EHF: variants seen among roughly 807,000 people sequenced by gnomAD.
EHF encodes ETS homologous factor, also known as ESE3 transcription factor.
Under a neutral mutation model 45.1 loss-of-function variants are expected in EHF, and 14 were observed. The ratio of observed to expected loss-of-function variants is 0.31; its 90% CI spans 0.21 to 0.49. EHF has a LOEUF of 0.49. Among genes scored for constraint, EHF ranks in the 20% least tolerant of loss-of-function variants. The pLI is 0.99. For missense variants in EHF, 282 were observed against 371.4 expected (o/e 0.76, Z 1.98); for synonymous variants, 136 against 131.8 (o/e 1.03, Z -0.22).
chr11:34,658,478 C>G, intron 7 of EHF, 55 bp from the exon 8 acceptor site: 1 of 1,485,816 alleles, frequency 6.7e-7, no homozygotes, highest in Non-Finnish European at 9.2e-7. Context: ...TGCTCTCTGC[C>G]CTATCTTTGC....
At chr11:34,624,687 A>G (rs545224452) in intron 1 of EHF, among the ~76,000 whole-genome samples, 1 of 152,188 alleles carries the variant, frequency 6.6e-6, no homozygotes, top group Non-Finnish European at 1.5e-5. Flanking sequence ...GGAAACCAGG[A>G]TGTGCTGAAG....
intron 1 of EHF, among the ~76,000 whole-genome samples, chr11:34,635,458 T>TTTTTA (rs1318280578): frequency 6.7e-6 from 1 of 148,282 alleles, no homozygotes; most frequent in African/African-American, 2.5e-5. Context: ...TTCTTTTTTT[T>TTTTTA]TTTTTTTTTT....
At chr11:34,637,004 G>A (rs1249175662) in intron 1 of EHF, among the ~76,000 whole-genome samples, 1 of 146,484 alleles carries the variant, frequency 6.8e-6, no homozygotes, top group Admixed American at 6.8e-5. Context: ...ACTCCATTCT[G>A]GGCAACAAGA....
At chr11:34,646,060 GTGTGTGTA>G (rs1388891482) in intron 2 of EHF, among the ~76,000 whole-genome samples, 3 of 141,512 alleles carry the variant, frequency 2.1e-5, no homozygotes, top group African/African-American at 2.8e-5. Context: ...GTGTGTGTGT[GTGTGTGTA>G]TGTATAAGAG....
intron 1 of EHF, chr11:34,642,367 G>A (rs571720764): frequency 1.1e-4 from 30 of 273,404 alleles, no homozygotes; most frequent in Middle Eastern, 1.1e-3. Context: ...TTTTCCTCCC[G>A]CTTCATTCCT....
chr11:34,638,222 G>GA (rs1292393396), intron 1 of EHF, among the ~76,000 whole-genome samples: 1 of 152,166 alleles, frequency 6.6e-6, no homozygotes, highest in Non-Finnish European at 1.5e-5. Flanking sequence ...CTTTGAGTTT[G>GA]AAATAAGAGG....
intron 1 of EHF, among the ~76,000 whole-genome samples, chr11:34,634,692 T>A (rs1853222378): frequency 6.6e-6 from 1 of 152,176 alleles, no homozygotes; most frequent in African/African-American, 2.4e-5. Context: ...TAAAATAACT[T>A]TATTGAGTCA....
At chr11:34,655,469 G>A (rs542275078) in intron 6 of EHF, among the ~76,000 whole-genome samples, 20 of 152,244 alleles carry the variant, frequency 1.3e-4, no homozygotes, top group African/African-American at 4.6e-4. Flanking sequence ...ATTATGTGCC[G>A]GCCACCATTT....
rs552520116 is a variant in EHF, at chr11:34,637,577, T to A, written c.-3-5051T>A. Among the ~76,000 whole-genome samples, 4 of 152,354 alleles carry A rather than the reference T, an allele frequency of 2.6e-5. No homozygotes were observed. The South Asian group carries it at 8.3e-4, about 32-fold the overall frequency. ...TGGCCCATAATTTTAGGGGAGCTTA[T>A]GGCACATTGTAGGGGACTTGCTGCC... On this transcript the variant is annotated intron_variant, in intron 1 of 8. Coordinates refer to ENST00000257831, the MANE Select transcript of EHF (RefSeq NM_012153.6).
chr11:34,643,068 A>ATG (rs780809590), intron 2 of EHF, among the ~76,000 whole-genome samples: 5,715 of 144,924 alleles, frequency 0.039, 207 homozygotes, highest in African/African-American at 0.099. Flanking sequence ...GAGAAAGGGT[A>ATG]TGTGTGTGTG....
intron 1 of EHF, chr11:34,632,699 T>C: frequency 2.0e-6 from 3 of 1,529,574 alleles, no homozygotes; most frequent in Non-Finnish European, 2.6e-6. Flanking sequence ...CTCTCTCTGC[T>C]CTTGCCCCAT....
chr11:34,649,556 T>C (rs1854933550), intron 4 of EHF, among the ~76,000 whole-genome samples: 1 of 152,194 alleles, frequency 6.6e-6, no homozygotes, highest in Non-Finnish European at 1.5e-5. Context: ...CCTGGGGAGC[T>C]TCTGCAGAGA....
intron 1 of EHF, chr11:34,621,920 C>T (rs901064431): frequency 5.9e-5 from 9 of 152,034 alleles, no homozygotes; most frequent in Admixed American, 2.0e-4. Context: ...ACAAACTAAC[C>T]CTTTGTTTAC....
chr11:34,632,952 G>GT (rs1320492676), intron 1 of EHF, among the ~76,000 whole-genome samples: 5 of 152,192 alleles, frequency 3.3e-5, no homozygotes, highest in African/African-American at 7.2e-5. Context: ...CTTGGTAATA[G>GT]TTTCTTTCTG....
intron 7 of EHF, among the ~76,000 whole-genome samples, chr11:34,657,716 G>T (rs765083026): frequency 4.6e-5 from 7 of 151,916 alleles, no homozygotes; most frequent in South Asian, 2.1e-4. Context: ...CTTGAGCCAG[G>T]GAGGTCTAGG....
intron 1 of EHF, among the ~76,000 whole-genome samples, chr11:34,640,580 T>C (rs766975674): frequency 1.3e-5 from 2 of 152,196 alleles, no homozygotes; most frequent in Non-Finnish European, 2.9e-5. Context: ...TCTGGGGACT[T>C]AGAGATTTTC....
chr11:34,653,464 C>T (rs530518188), intron 6 of EHF, among the ~76,000 whole-genome samples: 1 of 152,266 alleles, frequency 6.6e-6, no homozygotes, highest in Admixed American at 6.5e-5. Flanking sequence ...CCTGAGTCCA[C>T]CGATTGTATT....
intron 4 of EHF, among the ~76,000 whole-genome samples, chr11:34,650,222 C>T (rs768211800): frequency 2.0e-5 from 3 of 152,154 alleles, no homozygotes; most frequent in African/African-American, 7.2e-5. Context: ...ACCATCCAGA[C>T]ATTCTTGTGT....
chr11:34,630,418 A>C (rs538682507), intron 1 of EHF, among the ~76,000 whole-genome samples: 1 of 152,382 alleles, frequency 6.6e-6, no homozygotes, highest in African/African-American at 2.4e-5. Context: ...TTCTATTTCT[A>C]GCACAATTTA....
Sources: gnomAD v4.1 joint callset for allele counts (sites outside exome capture counted in the v4.1 genomes callset) on GRCh38, gnomAD v4.1.1 for gene constraint, MANE v1.5 for transcripts, NCBI Gene and HGNC (gene_info 2026-07-23, HGNC 2026-07-21) for gene names.